PLCB2: variants seen among roughly 807,000 people sequenced by gnomAD.
The protein encoded by PLCB2 is phospholipase C beta 2.
Under a neutral mutation model 141.7 loss-of-function variants are expected in PLCB2, and 115 were observed. That is an observed-to-expected ratio of 0.81 (90% CI 0.70 to 0.95). PLCB2 has a LOEUF of 0.95. Ranked by LOEUF, PLCB2 falls within the 40% of genes least tolerant of loss-of-function variation. The pLI is 0.00. For synonymous variants in PLCB2, 603 were observed against 595.6 expected, an observed-to-expected ratio of 1.01 and a Z score of -0.18; for missense variants, 1,403 against 1,541.1, an observed-to-expected ratio of 0.91 and a Z score of 1.50.
Position 40,301,323 on chromosome 15 carries a change from G to A in PLCB2, c.582+634C>T, listed in dbSNP as rs41277682. 3.0e-3 allele frequency: 1,656 copies of A among 545,154 alleles called. 6 individuals are homozygous for A. Among genetic ancestry groups the A allele is most frequent in the Middle Eastern group, 6.5e-3 (13 of 2,002 alleles). 33.8% of individuals were successfully genotyped at this position (545,154 alleles called of 1,614,324 possible). A position where few individuals can be genotyped will look rare whatever the true frequency, so the allele number is the denominator to read the frequency against. On this transcript the variant is annotated intron_variant, in intron 7 of 31. Coordinates refer to ENST00000260402, the MANE Select transcript of PLCB2 (RefSeq NM_004573.3). ...CAAGCAGGGACAGGGGCTGAGATTC[G>A]CTCCATTGGCCAGGCTTGAAGCCTA... is the stretch of plus-strand genomic sequence containing the variant.
At chr15:40,290,993 T>C (rs1194943495) in intron 27 of PLCB2, 25 bp downstream of exon 27, 18 of 1,579,164 alleles carry the variant, frequency 1.1e-5, no homozygotes, top group Non-Finnish European at 1.5e-5. Context: ...GCTGGTGGGG[T>C]TGTCGCCCTG....
At chr15:40,294,518 G>C in intron 18 of PLCB2, 98 bp from the exon 19 acceptor site, 1 of 1,330,432 alleles carries the variant, frequency 7.5e-7, no homozygotes, top group Non-Finnish European at 1.1e-6. Context: ...TGGTGAATGG[G>C]GAGGTTGGGT....
chr15:40,284,394 T>C (rs977302268), downstream of PLCB2: 4 of 395,058 alleles, frequency 1.0e-5, no homozygotes, highest in East Asian at 3.2e-4. Flanking sequence ...ACTTAAAAAA[T>C]GGACGTTGTC....
rs1595674917 is a variant in PLCB2 at position 40,301,306 on chromosome 15, G to A, written c.582+651C>T. On this transcript the variant is annotated intron_variant, in intron 7 of 31. Transcript: ENST00000260402. ...CACACAAGAGCACTGGCCAAGCAGG[G>A]ACAGGGGCTGAGATTCGCTCCATTG... The A allele has an allele frequency of 2.6e-5, 14 of 531,130 alleles. No individual in the cohort carries two copies. In the East Asian group the frequency reaches 4.5e-4, roughly 17 times the overall value. The allele number at this position is 531,130 out of a possible 1,614,324, so 32.9% of individuals were successfully genotyped here.
intron 19 of PLCB2, 23 bp downstream of exon 19, chr15:40,294,243 A>C (rs202028289): frequency 5.6e-6 from 9 of 1,610,582 alleles, no homozygotes; most frequent in Non-Finnish European, 7.6e-6. Flanking sequence ...CCTCCCGGCC[A>C]CTTGTGTGCC....
intron 16 of PLCB2, 34 bp from the exon 17 acceptor site, chr15:40,295,319 A>T: frequency 6.9e-7 from 1 of 1,457,110 alleles, no homozygotes; most frequent in Non-Finnish European, 9.6e-7. Flanking sequence ...GAGGAGTTTT[A>T]TCAGGCTGTC....
chr15:40,293,533 TCTGCCCTGCC>T lies in PLCB2; in HGVS notation c.2226+17_2226+26del. 1 of 1,608,570 alleles carries T rather than the reference TCTGCCCTGCC, an allele frequency of 6.2e-7. No homozygotes were observed. The highest frequency in any genetic ancestry group is 8.5e-7 in the Non-Finnish European group (1 of 1,175,468). On this transcript the variant is annotated intron_variant, in intron 20 of 31. Transcript: ENST00000260402. ...AGTAGAGGCCAAGAACTAGACAGAC[TCTGCCCTGCC>T]ATGCCCTGGCCCCCACCTTCTCAAA...
At chr15:40,303,781 G>T in intron 2 of PLCB2, 1 of 539,728 alleles carries the variant, frequency 1.9e-6, no homozygotes, top group Admixed American at 3.1e-5. Context: ...CTCCCCAAGG[G>T]ATGCTAAGGA....
At chr15:40,298,187 TGCCACG>T in intron 11 of PLCB2, 30 bp downstream of exon 11, 1 of 1,528,942 alleles carries the variant, frequency 6.5e-7, no homozygotes, top group Non-Finnish European at 8.8e-7. Context: ...CCTTCCCTAC[TGCCACG>T]GCCACCAGCC....
chr15:40,298,704 C>G lies in PLCB2; in HGVS notation c.855G>C (p.Gln285His), dbSNP rs1306163000. Residue 285 changes from glutamine (Q) to histidine (H), a missense_variant, in exon 10 of 32, where the codon CAG (glutamine) becomes CAC (histidine). Around this residue, in one of 4 missense-constraint regions of PLCB2, gnomAD observed 975 missense variants for 1,141.1 expected, o/e 0.85. Transcript: ENST00000260402. ...EPSGINAQRG[Q>H]LSPEGMVWFL... The stretch of plus-strand genomic sequence containing the variant: ...ACCAGACCATGCCTTCAGGTGACAG[C>G]TGGCCTGGGGGACAGGAGATAGCTG... 1 of 1,614,140 alleles carries G rather than the reference C, an allele frequency of 6.2e-7. No individual in the cohort carries two copies. Among genetic ancestry groups the G allele is most frequent in the South Asian group, 1.1e-5 (1 of 91,080 alleles).
chr15:40,298,653 C>G lies in PLCB2; in HGVS notation c.906G>C (p.Val302=). ...GGAGCAGCAGCTTGTCCTGGGCCAGCACGCTGTTCTCTGGCCCACAGAGAA... is the reference window on the plus strand; with the variant it reads ...GGAGCAGCAGCTTGTCCTGGGCCAGGACGCTGTTCTCTGGCCCACAGAGAA... ...VWFLCGPENS[V]LAQDKLLLHH... Residue 302 remains valine (V), a synonymous_variant, in exon 10 of 32, where the codon GTG becomes GTC. Coordinates refer to ENST00000260402, the MANE Select transcript of PLCB2 (RefSeq NM_004573.3). The G allele has an allele frequency of 6.2e-7, 1 of 1,614,152 alleles. No homozygotes were observed. The highest frequency in any genetic ancestry group is 8.5e-7 in the Non-Finnish European group (1 of 1,179,964).
At chr15:40,284,274 A>G, downstream of PLCB2, 1 of 337,984 alleles carries the variant, frequency 3.0e-6, no homozygotes, top group South Asian at 2.2e-5. Context: ...TGCAGAATTT[A>G]CTGAGACTTT....
chr15:40,296,233 G>T, intron 16 of PLCB2, 63 bp downstream of exon 16: 3 of 1,304,408 alleles, frequency 2.3e-6, no homozygotes, highest in African/African-American at 1.4e-5. Context: ...AGGGCCCCAA[G>T]TCCAAGGAAG....
downstream of PLCB2, chr15:40,285,820 A>G (rs1165036862): frequency 2.0e-6 from 2 of 985,396 alleles, no homozygotes; most frequent in Admixed American, 6.1e-5. Context: ...GGAGGAGAGA[A>G]GCAGCAGAAA....
At chr15:40,301,932 T>A (rs371291702) in intron 7 of PLCB2, 25 bp downstream of exon 7, 1 of 1,606,046 alleles carries the variant, frequency 6.2e-7, no homozygotes, top group South Asian at 1.1e-5. Flanking sequence ...TGCTGGGGGA[T>A]GGGCAGGGGT....
rs2040870600 is a variant in PLCB2, at chr15:40,307,774, C to A, written c.-102G>T. ...GGGGAGCCAAGCTGGGCTCAAATGG[C>A]ACCCATCCCCGAGCTGCTCCAGAAA... is the stretch of plus-strand genomic sequence containing the variant. On this transcript the variant is annotated 5_prime_UTR_variant, in exon 1 of 32. Coordinates refer to ENST00000260402, the MANE Select transcript of PLCB2 (RefSeq NM_004573.3). 1 of 929,740 alleles carries A rather than the reference C, an allele frequency of 1.1e-6. No individual in the cohort carries two copies. The highest frequency in any genetic ancestry group is 1.6e-6 in the Non-Finnish European group (1 of 623,774). The allele number at this position is 929,740 out of a possible 1,614,324, so 57.6% of individuals were successfully genotyped here.
At chr15:40,286,381 T>C (rs1273530897), downstream of PLCB2, among the ~76,000 whole-genome samples, 1 of 152,120 alleles carries the variant, frequency 6.6e-6, no homozygotes, top group Non-Finnish European at 1.5e-5. Flanking sequence ...CCTTCTTTCC[T>C]CAAGTGTCAC....
chr15:40,290,801 G>GT lies in PLCB2; in HGVS notation c.3072dup (p.Gln1025ThrfsTer52). The GT allele has an allele frequency of 6.2e-7, 1 of 1,612,104 alleles. No homozygotes were observed. The highest frequency in any genetic ancestry group is 8.5e-7 in the Non-Finnish European group (1 of 1,179,392). On this transcript the variant is annotated frameshift_variant, in exon 28 of 32. Transcript: ENST00000260402. LOFTEE classifies it high-confidence loss of function. ...TTCAGGGCCTTCAGCTCTGCCGCCT[G>GT]TTTCTCTCTGGCCAGCTCCATCATT...
Position 40,288,054 on chromosome 15 carries a change from A to T in PLCB2, c.*661T>A, listed in dbSNP as rs1371949836. On this transcript the variant is annotated 3_prime_UTR_variant, in exon 32 of 32. Coordinates refer to ENST00000260402, the MANE Select transcript of PLCB2 (RefSeq NM_004573.3). ...GAACTGCCTGCCCCCAGGCCTAGGA[A>T]GAGGGGTGAGCCAGGGTCAGGGTGG... 2.0e-6 allele frequency: 2 copies of T among 985,406 alleles called. No homozygotes were observed. Among genetic ancestry groups the T allele is most frequent in the African/African-American group, 3.5e-5 (2 of 57,254 alleles). The allele number at this position is 985,406 out of a possible 1,614,324, so 61.0% of individuals were successfully genotyped here.
Sources: gnomAD v4.1 joint callset for allele counts (sites outside exome capture counted in the v4.1 genomes callset) on GRCh38, gnomAD v4.1.1 for gene constraint, gnomAD v4.1.1 regional missense constraint, MANE v1.5 for transcripts, NCBI Gene and HGNC (gene_info 2026-07-23, HGNC 2026-07-21) for gene names.